The following SOX5 variants were observed in gnomAD, a reference collection of about 807,000 sequenced individuals.
SOX5 encodes the protein transcription factor SOX-5.
A neutral mutation model predicts 92.0 loss-of-function variants in SOX5; 9 were observed. That is an observed-to-expected ratio of 0.10 (90% CI 0.06 to 0.17). The LOEUF is 0.17. Among genes scored for constraint, SOX5 ranks in the 10% least tolerant of loss-of-function variants. The probability of loss-of-function intolerance (pLI) is 1.00; values close to 1 mark genes in which losing one functional copy is unlikely to be tolerated. For synonymous variants in SOX5, 344 were observed against 336.3 expected (o/e 1.02, Z -0.25); for missense variants, 642 against 944.5 (o/e 0.68, Z 4.20).
At chr12:23,999,990 C>T (rs1951439618) in intron 4 of SOX5, among the ~76,000 whole-genome samples, 1 of 151,676 alleles carries the variant, frequency 6.6e-6, no homozygotes, top group Admixed American at 6.6e-5. Context: ...CTAATATCAT[C>T]TCTTAAAGGG....
At chr12:24,350,962 C>A (rs1161605767) in intron 2 of SOX5, among the ~76,000 whole-genome samples, 4 of 152,094 alleles carry the variant, frequency 2.6e-5, no homozygotes, top group Non-Finnish European at 5.9e-5. Context: ...GAGGCTGAGG[C>A]ATGAGAATTG....
At chr12:23,641,105 C>G (rs544875147) in intron 7 of SOX5, among the ~76,000 whole-genome samples, 1 of 152,036 alleles carries the variant, frequency 6.6e-6, no homozygotes, top group Non-Finnish European at 1.5e-5. Context: ...GCAATTAAGG[C>G]GGAAACCTCA....
intron 7 of SOX5, among the ~76,000 whole-genome samples, chr12:23,651,456 TC>T (rs1306293093): frequency 1.3e-5 from 2 of 152,074 alleles, no homozygotes; most frequent in Non-Finnish European, 2.9e-5. Context: ...CATAACATAT[TC>T]AACTAATTTC....
At chr12:24,212,542 C>T (rs771666069) in intron 4 of SOX5, 1 of 519,500 alleles carries the variant, frequency 1.9e-6, no homozygotes, top group South Asian at 1.5e-5. Context: ...AGGGGACCAC[C>T]AAGTCTTCAC....
Position 24,236,136 on chromosome 12 carries a change from T to G in SOX5, c.-76-22719A>C, listed in dbSNP as rs1964464357. 2.0e-5 allele frequency among the ~76,000 whole-genome samples: 3 copies of G among 152,092 alleles called. No homozygotes were observed. The South Asian group carries it at 6.2e-4, about 32-fold the overall frequency. On this transcript the variant is annotated intron_variant, in intron 3 of 4. Coordinates refer to the SOX5 transcript ENST00000446891. The stretch of plus-strand genomic sequence containing the variant: ...GAACCCGGGAAGTGGGTTCACTGCT[T>G]GCAGTGAGCCTAGATCACACCACTG...
intron 1 of SOX5, among the ~76,000 whole-genome samples, chr12:23,923,206 C>T (rs1938934420): frequency 6.6e-6 from 1 of 152,032 alleles, no homozygotes; most frequent in African/African-American, 2.4e-5. Context: ...CCGCCTCGGC[C>T]TCCCAAATGG....
At chr12:23,950,973 G>T (rs1389963861), upstream of SOX5, 1 of 849,090 alleles carries the variant, frequency 1.2e-6, no homozygotes, top group Non-Finnish European at 1.8e-6. Flanking sequence ...CTTCACACAC[G>T]CATGCACACA....
intron 3 of SOX5, among the ~76,000 whole-genome samples, chr12:23,808,540 C>T (rs1254369608): frequency 1.3e-5 from 2 of 151,966 alleles, no homozygotes; most frequent in East Asian, 1.9e-4. Flanking sequence ...AACTTATATC[C>T]AATTTAAGAT....
At chr12:24,153,560 C>A (rs1193453447) in intron 4 of SOX5, among the ~76,000 whole-genome samples, 1 of 152,138 alleles carries the variant, frequency 6.6e-6, no homozygotes, top group African/African-American at 2.4e-5. Flanking sequence ...CCTACCCTAT[C>A]TATGTCCTGT....
intron 4 of SOX5, among the ~76,000 whole-genome samples, chr12:24,140,702 C>A (rs1024341348): frequency 6.6e-6 from 1 of 152,102 alleles, no homozygotes; most frequent in African/African-American, 2.4e-5. Flanking sequence ...ATGTTAGAAT[C>A]TTTCTAACAA....
intron 4 of SOX5, among the ~76,000 whole-genome samples, chr12:24,002,709 C>G (rs1951732303): frequency 6.6e-6 from 1 of 151,928 alleles, no homozygotes; most frequent in Admixed American, 6.6e-5. Context: ...CAATGCAAAG[C>G]CCAGCACCAG....
intron 1 of SOX5, among the ~76,000 whole-genome samples, chr12:24,548,505 G>A (rs894483659): frequency 4.6e-5 from 7 of 152,146 alleles, no homozygotes; most frequent in African/African-American, 1.7e-4. Flanking sequence ...GTAGACACGA[G>A]GCACTACATG....
chr12:24,206,172 T>A (rs537432724), intron 4 of SOX5, among the ~76,000 whole-genome samples: 2 of 152,206 alleles, frequency 1.3e-5, no homozygotes, highest in Non-Finnish European at 2.9e-5. Flanking sequence ...AGCCAAAAAA[T>A]CATTATTGAA....
At chr12:23,598,442 A>C (rs1952847426) in intron 9 of SOX5, among the ~76,000 whole-genome samples, 1 of 120,910 alleles carries the variant, frequency 8.3e-6, no homozygotes, top group South Asian at 2.7e-4. Flanking sequence ...TCTGTTGCCC[A>C]GGCTGGAGTG....
At chr12:24,491,211 C>T (rs1020045001) in intron 1 of SOX5, among the ~76,000 whole-genome samples, 8 of 152,090 alleles carry the variant, frequency 5.3e-5, no homozygotes, top group African/African-American at 1.9e-4. Flanking sequence ...CTGTGATTTA[C>T]ATTTGTGGTA....
intron 1 of SOX5, among the ~76,000 whole-genome samples, chr12:24,449,112 A>T (rs890302572): frequency 1.3e-5 from 2 of 152,192 alleles, no homozygotes; most frequent in Admixed American, 6.5e-5. Context: ...TCCTAACTGG[A>T]TCCTCTACTC....
intron 4 of SOX5, among the ~76,000 whole-genome samples, chr12:24,159,453 T>C (rs919468758): frequency 6.6e-6 from 1 of 152,022 alleles, no homozygotes; most frequent in African/African-American, 2.4e-5. Flanking sequence ...ATTCAGTGAA[T>C]TTACTAACTT....
intron 2 of SOX5, among the ~76,000 whole-genome samples, chr12:24,290,370 ATAATAGTCAGCAT>A (rs563499943): frequency 6.6e-6 from 1 of 152,352 alleles, no homozygotes; most frequent in East Asian, 1.9e-4. Flanking sequence ...AATGATAGTA[ATAATAGTCAGCAT>A]TAATTGAGTG....
chr12:24,032,336 A>G (rs1423228421), intron 4 of SOX5, among the ~76,000 whole-genome samples: 2 of 151,842 alleles, frequency 1.3e-5, no homozygotes, highest in Non-Finnish European at 2.9e-5. Flanking sequence ...AAATTTCATA[A>G]AATCTTCATT....
Sources: gnomAD v4.1 joint callset for allele counts (sites outside exome capture counted in the v4.1 genomes callset) on GRCh38, gnomAD v4.1.1 for gene constraint, MANE v1.5 for transcripts, NCBI Gene and HGNC (gene_info 2026-07-23, HGNC 2026-07-21) for gene names.